ZBTB21: variants seen among roughly 807,000 people sequenced by gnomAD.
ZBTB21 encodes zinc finger and BTB domain containing 21.
ZBTB21 carries 10 observed loss-of-function variants against 39.8 expected under a neutral mutation model. The ratio of observed to expected loss-of-function variants is 0.25; its 90% CI spans 0.16 to 0.43. The LOEUF (loss-of-function observed/expected upper bound fraction) is 0.43, where lower values mean the gene tolerates loss of function less well. Ranked by LOEUF, ZBTB21 falls within the 20% of genes least tolerant of loss-of-function variation. ZBTB21 has a pLI of 1.00. For missense variants in ZBTB21, 1,221 were observed against 1,296.3 expected, an observed-to-expected ratio of 0.94 and a Z score of 0.89; for synonymous variants, 551 against 498.8, an observed-to-expected ratio of 1.10 and a Z score of -1.40.
intron 2 of ZBTB21, among the ~76,000 whole-genome samples, chr21:41,998,075 G>A (rs944421813): frequency 6.6e-6 from 1 of 152,054 alleles, no homozygotes. Flanking sequence ...AAAGTGGGCA[G>A]ATTAACCCCA....
At position 41,988,133 on chromosome 21, in the gene ZBTB21, C is replaced by A. The variant is rs1371111516; in HGVS notation, c.*2762G>T. 2 of 152,110 alleles carry A rather than the reference C, an allele frequency of 1.3e-5. No homozygotes were observed. The highest frequency in any genetic ancestry group is 2.9e-5 in the Non-Finnish European group (2 of 68,006). The allele number at this position is 152,110 out of a possible 1,614,324, so 9.4% of individuals were successfully genotyped here. A position where few individuals can be genotyped will look rare whatever the true frequency, so the allele number is the denominator to read the frequency against. ...ATCTTCAAATATTACTGTTAAAATG[C>A]ACAATATTTGTTACCTCCATTGCTT... On this transcript the variant is annotated 3_prime_UTR_variant, in exon 3 of 3. Coordinates refer to ENST00000310826, the MANE Select transcript of ZBTB21 (RefSeq NM_001098402.2).
rs574309405 is a variant in ZBTB21 at position 41,998,520 on chromosome 21, T to C, written c.-14+4377A>G. Among the ~76,000 whole-genome samples, 231 of 152,350 alleles carry C rather than the reference T, an allele frequency of 1.5e-3. 1 individual carries two copies. Among genetic ancestry groups the C allele is most frequent in the African/African-American group, 5.4e-3 (223 of 41,582 alleles). Reference sequence around the variant, plus strand: ...CCTTTCATTTTATAATGCCATATTTTCTTTCAAATATTGTTAAGACATTTA... The same window carrying C: ...CCTTTCATTTTATAATGCCATATTTCCTTTCAAATATTGTTAAGACATTTA... On this transcript the variant is annotated intron_variant, in intron 2 of 2. Coordinates refer to ENST00000310826, the MANE Select transcript of ZBTB21 (RefSeq NM_001098402.2).
chr21:42,008,432 C>T (rs1306569621), intron 1 of ZBTB21, among the ~76,000 whole-genome samples: 1 of 146,908 alleles, frequency 6.8e-6, no homozygotes, highest in African/African-American at 2.5e-5. Flanking sequence ...GCAGGAGAAT[C>T]GCTTGAACCA....
At chr21:42,004,885 AT>A (rs1329619172) in intron 1 of ZBTB21, among the ~76,000 whole-genome samples, 1 of 152,188 alleles carries the variant, frequency 6.6e-6, no homozygotes, top group African/African-American at 2.4e-5. Flanking sequence ...CTACCATTGG[AT>A]TTTACTATTT....
At chr21:42,005,613 C>A (rs1042981947) in intron 1 of ZBTB21, among the ~76,000 whole-genome samples, 1 of 152,324 alleles carries the variant, frequency 6.6e-6, no homozygotes, top group East Asian at 1.9e-4. Context: ...TATATTTCCA[C>A]GTGGTATTCA....
In ZBTB21 at chr21:41,991,898, G is replaced by A; in HGVS notation, c.2198C>T (p.Ser733Phe). The change falls in exon 3 of 3, where the codon TCT becomes TTT. Residue 733 changes from serine (S) to phenylalanine (F), a missense_variant. Transcript: ENST00000310826. The surrounding 1 kb of genome is among the most constrained non-coding windows in gnomAD (Gnocchi z 4.9). ...CTCGTGGCTTCCTTGCTCTAGGAGA[G>A]AAGAGAGCTTAGCATTACAGAGGCG... is the stretch of plus-strand genomic sequence containing the variant. ...QCRLCNAKLS[S>F]LLEQGSHERL... is the part of the protein sequence containing the mutation. 6.2e-7 allele frequency: 1 copy of A among 1,614,176 alleles called. No individual in the cohort carries two copies. The highest frequency in any genetic ancestry group is 8.5e-7 in the Non-Finnish European group (1 of 1,180,046).
chr21:42,002,306 T>G (rs2065827331), intron 2 of ZBTB21: 1 of 101,644 alleles, frequency 9.8e-6, no homozygotes, highest in African/African-American at 4.8e-5. Context: ...ATATTGAATT[T>G]TTGTGTTTTA....
chr21:42,007,964 C>G (rs1200159544), intron 1 of ZBTB21: 1 of 152,240 alleles, frequency 6.6e-6, no homozygotes, highest in Non-Finnish European at 1.5e-5. Context: ...TCCAGCCTCT[C>G]AGGTACCTAC....
rs756137647 is a variant in ZBTB21, at chr21:41,991,403, T to C, written c.2693A>G (p.Lys898Arg). The C allele has an allele frequency of 1.9e-6, 3 of 1,609,044 alleles. No homozygotes were observed. The highest frequency in any genetic ancestry group is 2.2e-5 in the East Asian group (1 of 44,850). The stretch of plus-strand genomic sequence containing the variant: ...GGCTTCTTTGCTAGGACCCGCTTCT[T>C]TGGGGGCTGTGCTGGCCTCGGGTGC... ...EEAPEASTAPKEAGPSKEASL... is the reference protein window; with the variant it reads ...EEAPEASTAPREAGPSKEASL... Residue 898 changes from lysine (K) to arginine (R), a missense_variant, in exon 3 of 3, where the codon AAA becomes AGA. By Grantham distance (26) the Lys-to-Arg change is conservative. Transcript: ENST00000310826. The surrounding 1 kb of genome is among the most constrained non-coding windows in gnomAD (Gnocchi z 4.9).
In ZBTB21 at chr21:41,993,274, TCTCTTCAAAGCCAG is replaced by T; in HGVS notation, c.808_821del (p.Leu270ThrfsTer10). On this transcript the variant is annotated frameshift_variant, in exon 3 of 3. Transcript: ENST00000310826. LOFTEE classifies it high-confidence loss of function. ...AAACAGACAAAACAGGTGGCCGTGG[TCTCTTCAAAGCCAG>T]CTCTAGAGCTTTTCCTTTTGGAAGC... The T allele has an allele frequency of 1.2e-6, 2 of 1,612,494 alleles. No homozygotes were observed. Among genetic ancestry groups the T allele is most frequent in the Non-Finnish European group, 1.7e-6 (2 of 1,180,030 alleles).
At chr21:41,997,584 A>C (rs1403148308) in intron 2 of ZBTB21, among the ~76,000 whole-genome samples, 9 of 134,114 alleles carry the variant, frequency 6.7e-5, no homozygotes, top group Non-Finnish European at 1.1e-4. Flanking sequence ...TCAAAAAAAA[A>C]AAAAACAAAA....
intron 1 of ZBTB21, 138 bp downstream of exon 1, chr21:42,010,114 G>T: frequency 5.2e-6 from 2 of 386,648 alleles, no homozygotes; most frequent in Non-Finnish European, 9.1e-6. Context: ...CTCGGAGCCC[G>T]CAACCCGCTG....
intron 2 of ZBTB21, among the ~76,000 whole-genome samples, chr21:41,995,995 G>C (rs1380512814): frequency 6.6e-6 from 1 of 152,236 alleles, no homozygotes; most frequent in African/African-American, 2.4e-5. Flanking sequence ...GATTTCAGAG[G>C]ATGTATGAGA....
chr21:41,991,499 T>C lies in ZBTB21; in HGVS notation c.2597A>G (p.Glu866Gly). The change falls in exon 3 of 3, where the codon GAA (glutamate) becomes GGA (glycine). Residue 866 changes from glutamate to glycine, a missense_variant. By Grantham distance (98) the Glu-to-Gly change is moderately conservative. This residue lies in a region of ZBTB21 where 523 missense variants were observed against 542.5 expected (regional missense o/e 0.96). Transcript: ENST00000310826. The surrounding 1 kb of genome is among the most constrained non-coding windows in gnomAD (Gnocchi z 4.9). ...CAGTTGCTTGGAAAGACTAAGGTCT[T>C]CGGGAAGACAAGAGGAATCTTCCGA... is the stretch of plus-strand genomic sequence containing the variant. ...FDSEDSSCLP[E>G]DLSLSKQLKI... 1 of 1,614,184 alleles carries C rather than the reference T, an allele frequency of 6.2e-7. No homozygotes were observed. The highest frequency in any genetic ancestry group is 8.5e-7 in the Non-Finnish European group (1 of 1,180,038).
intron 1 of ZBTB21, among the ~76,000 whole-genome samples, chr21:42,008,342 C>CAAAAAATAA (rs2065906036): frequency 1.8e-5 from 1 of 54,310 alleles, no homozygotes; most frequent in Non-Finnish European, 3.3e-5. Flanking sequence ...CCCGTCTCTA[C>CAAAAAATAA]AAAAAAAAAA....
intron 1 of ZBTB21, among the ~76,000 whole-genome samples, chr21:42,008,614 T>A (rs1474250469): frequency 1.3e-5 from 2 of 149,780 alleles, no homozygotes; most frequent in Admixed American, 6.6e-5. Context: ...CTCATTTCCA[T>A]CGAGAGACCT....
rs762620358 is a variant in ZBTB21, at chr21:41,992,408, C to T, written c.1688G>A (p.Arg563His). 31 of 1,614,010 alleles carry T rather than the reference C, an allele frequency of 1.9e-5. No homozygotes were observed. The highest frequency in any genetic ancestry group is 8.3e-5 in the Admixed American group (5 of 59,994). Reference protein sequence around the residue: ...KIFRSTAGLHRHVNMYHNPEK... With the variant: ...KIFRSTAGLHHHVNMYHNPEK... Reference sequence around the variant, plus strand: ...TGGGTTATGGTACATGTTAACATGACGGTGAAGACCTGCTGTTGATCTAAA... The same window carrying T: ...TGGGTTATGGTACATGTTAACATGATGGTGAAGACCTGCTGTTGATCTAAA... The change falls in exon 3 of 3, where the codon CGT becomes CAT. Residue 563 changes from arginine to histidine, a missense_variant. Physicochemically the swap from Arg to His is conservative, Grantham distance 29. Around this residue, in one of 4 missense-constraint regions of ZBTB21, gnomAD observed 90 missense variants for 133.1 expected, o/e 0.68. Transcript: ENST00000310826. The surrounding 1 kb of genome is among the most constrained non-coding windows in gnomAD (Gnocchi z 4.1).
intron 1 of ZBTB21, among the ~76,000 whole-genome samples, chr21:42,007,325 T>G (rs1234618616): frequency 1.3e-5 from 2 of 152,250 alleles, no homozygotes; most frequent in African/African-American, 4.8e-5. Context: ...ATTACATCAC[T>G]GCCCTGCTTT....
At chr21:42,008,638 C>A (rs2065915059) in intron 1 of ZBTB21, among the ~76,000 whole-genome samples, 3 of 151,794 alleles carry the variant, frequency 2.0e-5, no homozygotes, top group Admixed American at 6.6e-5. Context: ...TAACTTAACC[C>A]CAATTTTGTT....
Sources: allele counts gnomAD v4.1 joint callset (sites outside exome capture counted in the v4.1 genomes callset), GRCh38; gene constraint gnomAD v4.1.1; regional missense constraint gnomAD v4.1.1; non-coding constraint Gnocchi (gnomAD v3.1); transcripts MANE v1.5; gene names NCBI Gene and HGNC (gene_info 2026-07-23, HGNC 2026-07-21).